The following MRTFB variants were observed in gnomAD, a reference collection of about 807,000 sequenced individuals.
MRTFB encodes the protein myocardin-related transcription factor B.
MRTFB carries 29 observed loss-of-function variants against 104.2 expected under a neutral mutation model. The ratio of observed to expected loss-of-function variants is 0.28; its 90% CI spans 0.21 to 0.38. MRTFB has a LOEUF of 0.38. Among genes scored for constraint, MRTFB ranks in the 10% least tolerant of loss-of-function variants. MRTFB has a pLI of 1.00. For missense variants in MRTFB, 1,270 were observed against 1,341.6 expected (o/e 0.95, Z 0.83); for synonymous variants, 535 against 519.5 (o/e 1.03, Z -0.41).
At chr16:14,079,153 C>A in intron 1 of MRTFB, 137 bp from the exon 2 acceptor site, 24 of 256,316 alleles carry the variant, frequency 9.4e-5, no homozygotes, top group South Asian at 1.8e-4. Flanking sequence ...TACTTTCCTT[C>A]CTGACCATTC....
At chr16:14,072,704 C>T (rs1459501862) in intron 1 of MRTFB, among the ~76,000 whole-genome samples, 1 of 152,098 alleles carries the variant, frequency 6.6e-6, no homozygotes, top group African/African-American at 2.4e-5. Context: ...AGCAGAGATA[C>T]AGACGGAGGT....
At chr16:14,251,786 C>T in intron 13 of MRTFB, 76 bp from the exon 14 acceptor site, 2 of 1,537,128 alleles carry the variant, frequency 1.3e-6, no homozygotes, top group Non-Finnish European at 1.8e-6. Context: ...TGACCCCTGT[C>T]CTAAAACATG....
intron 13 of MRTFB, among the ~76,000 whole-genome samples, chr16:14,250,800 C>T (rs1337163222): frequency 6.6e-6 from 1 of 152,168 alleles, no homozygotes; most frequent in Non-Finnish European, 1.5e-5. Flanking sequence ...CAGCAGAGAG[C>T]AGAGGCAGAT....
the MRTFB span, chr16:14,016,120 G>A: frequency 2.5e-6 from 1 of 396,726 alleles, no homozygotes; most frequent in Non-Finnish European, 4.4e-6. Context: ...TTGGCTGTGT[G>A]ACTGTAAACA....
At chr16:13,996,417 AC>A in the MRTFB span, among the ~76,000 whole-genome samples, 5 of 152,220 alleles carry the variant, frequency 3.3e-5, no homozygotes, top group Non-Finnish European at 7.3e-5. Flanking sequence ...CACAGGAGAC[AC>A]CTTGATGAAA....
the MRTFB span, among the ~76,000 whole-genome samples, chr16:14,058,296 G>T: frequency 6.6e-6 from 1 of 152,348 alleles, no homozygotes; most frequent in South Asian, 2.1e-4. Flanking sequence ...GGCGGGAAGG[G>T]AGGGAGGATG....
chr16:14,017,784 C>A, the MRTFB span, among the ~76,000 whole-genome samples: 947 of 137,024 alleles, frequency 6.9e-3, 14 homozygotes, highest in African/African-American at 0.025. Context: ...TGTGTGATCA[C>A]AGCTCACTGC....
intron 10 of MRTFB, chr16:14,241,205 G>A (rs1190871267): frequency 6.1e-6 from 1 of 164,460 alleles, no homozygotes; most frequent in Non-Finnish European, 1.3e-5. Flanking sequence ...TGGTGTTGAA[G>A]GGACGTCTGG....
intron 3 of MRTFB, chr16:14,200,757 C>G: frequency 1.4e-6 from 2 of 1,480,640 alleles, no homozygotes; most frequent in Admixed American, 1.7e-5. Flanking sequence ...GTTGCCTGTC[C>G]AGTGCTGTGG....
At chr16:14,113,345 A>G (rs746418841) in intron 2 of MRTFB, among the ~76,000 whole-genome samples, 2 of 152,198 alleles carry the variant, frequency 1.3e-5, no homozygotes, top group Non-Finnish European at 2.9e-5. Context: ...CGCCCAGCCT[A>G]TGTCTTTATT....
intron 6 of MRTFB, chr16:14,214,944 G>T: frequency 6.6e-6 from 1 of 152,140 alleles, no homozygotes; most frequent in East Asian, 1.9e-4. Context: ...GGACTAAAAA[G>T]GCTTTTCCAG....
intron 10 of MRTFB, among the ~76,000 whole-genome samples, chr16:14,243,759 A>G (rs978194794): frequency 3.3e-5 from 5 of 152,086 alleles, no homozygotes; most frequent in Admixed American, 2.0e-4. Flanking sequence ...CCTGTATCCA[A>G]TACCCAAACC....
Position 14,226,536 on chromosome 16 carries a change from A to G in MRTFB, c.693+7538A>G, listed in dbSNP as rs779021507. 1.4e-4 allele frequency among the ~76,000 whole-genome samples: 21 copies of G among 152,360 alleles called. No individual in the cohort carries two copies. The Middle Eastern group carries it at 0.024, about 173-fold the overall frequency. Reference sequence around the variant, plus strand: ...AACATCGTAGGCAAAAATTGACTCCATAGACAAAGATCTAAATATAATAAC... The same window carrying G: ...AACATCGTAGGCAAAAATTGACTCCGTAGACAAAGATCTAAATATAATAAC... On this transcript the variant is annotated intron_variant, in intron 8 of 16. Coordinates refer to ENST00000571589, the MANE Select transcript of MRTFB (RefSeq NM_001308142.2).
chr16:14,111,387 C>T lies in MRTFB; in HGVS notation c.-63-29157C>T, dbSNP rs183360317. On this transcript the variant is annotated intron_variant, in intron 2 of 16. Transcript: ENST00000571589. ...ATAAAATAGAAGCCAAGCTCATCTG[C>T]TCAGTGATGAGGGGGTGGTGCTGGG... Among the ~76,000 whole-genome samples, 475 of 151,962 alleles carry T rather than the reference C, an allele frequency of 3.1e-3. 1 individual carries two copies. Among genetic ancestry groups the T allele is most frequent in the Non-Finnish European group, 6.0e-3 (406 of 67,984 alleles).
the MRTFB span, chr16:14,020,262 C>T: frequency 6.6e-6 from 1 of 152,204 alleles, no homozygotes; most frequent in Non-Finnish European, 1.5e-5. Flanking sequence ...AATCCTCTTC[C>T]ATCCTGCTCT....
rs926669154 is a variant in MRTFB, at chr16:14,247,425, C to G, written c.2165C>G (p.Thr722Ser). 1.2e-6 allele frequency: 2 copies of G among 1,609,316 alleles called. No individual in the cohort carries two copies. Among genetic ancestry groups the G allele is most frequent in the African/African-American group, 1.3e-5 (1 of 75,064 alleles). ...CCCCAGGCTTTACTGACCACGCAGA[C>G]TGCTCAGCTGCTGCTCCCAGTGTCC... Reference protein sequence around the residue: ...AQPQALLTTQTAQLLLPVSIQ... With the variant: ...AQPQALLTTQSAQLLLPVSIQ... Residue 722 changes from threonine (T) to serine (S), a missense_variant, in exon 12 of 17, where the codon ACT (threonine) becomes AGT (serine). Transcript: ENST00000571589.
chr16:14,233,038 G>A (rs1205070401), intron 8 of MRTFB, among the ~76,000 whole-genome samples: 1 of 152,198 alleles, frequency 6.6e-6, no homozygotes, highest in East Asian at 1.9e-4. Context: ...TATTACAATA[G>A]TAATTGTTCT....
chr16:14,238,196 C>T (rs2042606669), intron 9 of MRTFB, among the ~76,000 whole-genome samples: 1 of 152,096 alleles, frequency 6.6e-6, no homozygotes, highest in Admixed American at 6.6e-5. Context: ...CCAAGGATGC[C>T]ACTGAACATC....
chr16:14,070,604 G>A (rs567692828), upstream of MRTFB, among the ~76,000 whole-genome samples: 1 of 152,376 alleles, frequency 6.6e-6, no homozygotes, highest in East Asian at 1.9e-4. Flanking sequence ...TGAGGGAGAA[G>A]CACTTTACTG....
Sources: gnomAD v4.1 joint callset for allele counts (sites outside exome capture counted in the v4.1 genomes callset) on GRCh38, gnomAD v4.1.1 for gene constraint, MANE v1.5 for transcripts, NCBI Gene and HGNC (gene_info 2026-07-23, HGNC 2026-07-21) for gene names.